Variants in ALG9 observed in about 807,000 individuals in gnomAD.
ALG9 encodes the protein ALG9 alpha-1,2-mannosyltransferase, also known as alpha-1,2-mannosyltransferase ALG9.
In ALG9, 55 loss-of-function variants were observed where a neutral mutation model predicts 81.8. The ratio of observed to expected loss-of-function variants is 0.67; its 90% CI spans 0.54 to 0.84. The LOEUF (loss-of-function observed/expected upper bound fraction) is 0.84, where lower values mean the gene tolerates loss of function less well. ALG9 is among the 40% of genes least tolerant of loss of function. The pLI is 0.00. For missense variants in ALG9, 629 were observed against 745.0 expected (o/e 0.84, Z 1.81); for synonymous variants, 278 against 274.3 (o/e 1.01, Z -0.13).
Position 111,868,503 on chromosome 11 carries a change from C to A in ALG9, c.405+99G>T. The A allele has an allele frequency of 1.0e-5, 15 of 1,436,318 alleles. No individual in the cohort carries two copies. The South Asian group carries it at 2.0e-4, about 19-fold the overall frequency. 89.0% of individuals were successfully genotyped at this position (1,436,318 alleles called of 1,614,324 possible). On this transcript the variant is annotated intron_variant, in intron 3 of 14. Transcript: ENST00000616540. ...AAATGATTCTTCTTCAAAAAAAGTT[C>A]CCTTTTAACTTCCAATTCATTTTGT...
intron 3 of ALG9, among the ~76,000 whole-genome samples, chr11:111,866,721 C>G (rs6589250): frequency 0.038 from 5,691 of 151,076 alleles, 377 homozygotes; most frequent in African/African-American, 0.13. Flanking sequence ...AAATAAAAAC[C>G]CTCTGCATAG....
At position 111,853,504 on chromosome 11, in the gene ALG9, T is replaced by C. The variant is rs1958157429; in HGVS notation, c.790-19A>G. 1.2e-6 allele frequency: 2 copies of C among 1,604,560 alleles called. No homozygotes were observed. The highest frequency in any genetic ancestry group is 1.3e-5 in the African/African-American group (1 of 74,720). ...CAGGCACCTAAAACAGAGCAGAAAA[T>C]AGTTTTGATCTAGAAACATTCTCAA... On this transcript the variant is annotated intron_variant, in intron 7 of 14. Transcript: ENST00000616540.
In ALG9 at chr11:111,837,510, T is replaced by C; in HGVS notation, c.1430A>G (p.Lys477Arg). 1 of 1,614,158 alleles carries C rather than the reference T, an allele frequency of 6.2e-7. No homozygotes were observed. Among genetic ancestry groups the C allele is most frequent in the Non-Finnish European group, 8.5e-7 (1 of 1,179,998 alleles). The change falls in exon 12 of 15, where the codon AAA becomes AGA. Residue 477 changes from lysine to arginine, a missense_variant. Transcript: ENST00000616540. ...EGRPVNVCVG[K>R]EWYRFPSSFL... ...GCTGCTGGGAAATCGATACCACTCT[T>C]TTCCCACACAGACATTCACAGGTCT... is the stretch of plus-strand genomic sequence containing the variant.
At chr11:111,843,785 C>T (rs1956564861) in intron 9 of ALG9, among the ~76,000 whole-genome samples, 1 of 152,128 alleles carries the variant, frequency 6.6e-6, no homozygotes, top group Non-Finnish European at 1.5e-5. Context: ...AAACTTTCTC[C>T]AATAAGGCAG....
At chr11:111,858,581 T>C (rs1959075809) in intron 5 of ALG9, among the ~76,000 whole-genome samples, 1 of 152,170 alleles carries the variant, frequency 6.6e-6, no homozygotes, top group Non-Finnish European at 1.5e-5. Context: ...AATAGCCCCC[T>C]AATTAGTTCC....
the ALG9 span, among the ~76,000 whole-genome samples, chr11:111,772,066 A>G: frequency 6.6e-6 from 1 of 152,168 alleles, no homozygotes; most frequent in Admixed American, 6.5e-5. Flanking sequence ...ACCACATATA[A>G]CAAAGGTATT....
chr11:111,811,814 A>C (rs1220111943), intron 13 of ALG9, among the ~76,000 whole-genome samples: 1 of 152,098 alleles, frequency 6.6e-6, no homozygotes, highest in Non-Finnish European at 1.5e-5. Flanking sequence ...CAAGACAGAA[A>C]ACAGAGGTTA....
At chr11:111,803,913 A>G (rs185016051) in intron 14 of ALG9, among the ~76,000 whole-genome samples, 1 of 152,076 alleles carries the variant, frequency 6.6e-6, no homozygotes, top group Admixed American at 6.6e-5. Context: ...CGGGTGGATC[A>G]CTTGCGGTCA....
chr11:111,853,793 G>T, intron 6 of ALG9, 57 bp from the exon 7 acceptor site: 2 of 1,400,630 alleles, frequency 1.4e-6, no homozygotes, highest in Non-Finnish European at 2.0e-6. Context: ...AGACAAATCA[G>T]ATTCACACAT....
intron 2 of ALG9, among the ~76,000 whole-genome samples, chr11:111,870,028 T>A (rs1187118476): frequency 1.3e-5 from 2 of 151,932 alleles, no homozygotes; most frequent in Non-Finnish European, 2.9e-5. Context: ...GTCAGGCTGG[T>A]CTCGAATTTC....
At chr11:111,820,867 A>AG (rs71057090) in intron 13 of ALG9, among the ~76,000 whole-genome samples, 151,952 of 151,956 alleles carry the variant, frequency 1, 75,974 homozygotes, top group Middle Eastern at 1. Flanking sequence ...ACTTAAGGCC[A>AG]GGGTTCAAGA....
chr11:111,806,649 A>G (rs1197361575), intron 14 of ALG9, among the ~76,000 whole-genome samples: 3 of 151,960 alleles, frequency 2.0e-5, no homozygotes, highest in African/African-American at 7.3e-5. Flanking sequence ...TGGTGATCTC[A>G]TCCAGTCTCA....
At chr11:111,780,121 C>T (rs1227452302), downstream of ALG9, among the ~76,000 whole-genome samples, 4 of 152,088 alleles carry the variant, frequency 2.6e-5, no homozygotes, top group Non-Finnish European at 5.9e-5. Flanking sequence ...CTGGTAGGGC[C>T]CGATCACCTC....
At chr11:111,793,314 G>T (rs1234225630) in intron 14 of ALG9, among the ~76,000 whole-genome samples, 1 of 152,106 alleles carries the variant, frequency 6.6e-6, no homozygotes, top group Non-Finnish European at 1.5e-5. Flanking sequence ...AGAACAAGCT[G>T]GCTTGAATTC....
At chr11:111,791,274 A>AT (rs1464922019) in intron 14 of ALG9, among the ~76,000 whole-genome samples, 2 of 152,244 alleles carry the variant, frequency 1.3e-5, no homozygotes, top group East Asian at 3.8e-4. Flanking sequence ...ATACATCATC[A>AT]TAACTTAGCA....
chr11:111,807,886 AC>A (rs1950159647), intron 14 of ALG9, among the ~76,000 whole-genome samples: 1 of 152,076 alleles, frequency 6.6e-6, no homozygotes, highest in African/African-American at 2.4e-5. Flanking sequence ...CGAGTTTAAA[AC>A]CAGCTTGGGC....
At position 111,831,130 on chromosome 11, in the gene ALG9, T is replaced by C. The variant is rs372308641; in HGVS notation, c.1602+5035A>G. On this transcript the variant is annotated intron_variant, in intron 13 of 14. Transcript: ENST00000616540. Reference sequence around the variant, plus strand: ...ATCTCGGCTGACTGCAACCTCCGCCTCCTGGGTTCAAGTGATTCTCCTGCC... The same window carrying C: ...ATCTCGGCTGACTGCAACCTCCGCCCCCTGGGTTCAAGTGATTCTCCTGCC... 3.2e-4 allele frequency among the ~76,000 whole-genome samples: 49 copies of C among 152,290 alleles called. No homozygotes were observed. In the East Asian group the frequency reaches 8.1e-3, roughly 25 times the overall value.
At chr11:111,816,170 G>A (rs1166510959) in intron 13 of ALG9, among the ~76,000 whole-genome samples, 1 of 152,114 alleles carries the variant, frequency 6.6e-6, no homozygotes, top group Non-Finnish European at 1.5e-5. Flanking sequence ...GTATTTGAAG[G>A]GTGATACAAT....
chr11:111,870,537 TA>T (rs1964004373), intron 1 of ALG9, among the ~76,000 whole-genome samples, 167 bp from the exon 2 acceptor site: 1 of 152,102 alleles, frequency 6.6e-6, no homozygotes, highest in Non-Finnish European at 1.5e-5. Flanking sequence ...TCAGTAAAAT[TA>T]ATAAAAATTC....
Sources: allele counts gnomAD v4.1 joint callset (sites outside exome capture counted in the v4.1 genomes callset), GRCh38; gene constraint gnomAD v4.1.1; transcripts MANE v1.5; gene names NCBI Gene and HGNC (gene_info 2026-07-23, HGNC 2026-07-21).